Variants in ADAM22 observed in about 807,000 individuals in gnomAD.
ADAM22 encodes the protein disintegrin and metalloproteinase domain-containing protein 22.
In ADAM22, 65 loss-of-function variants were observed where a neutral mutation model predicts 144.6. The observed-to-expected ratio is 0.45, with a 90% CI of 0.37 to 0.55. The LOEUF (loss-of-function observed/expected upper bound fraction) is 0.55, where lower values mean the gene tolerates loss of function less well. Ranked by LOEUF, ADAM22 falls within the 20% of genes least tolerant of loss-of-function variation. The probability of loss-of-function intolerance (pLI) is 0.00; values close to 1 mark genes in which losing one functional copy is unlikely to be tolerated. For synonymous variants in ADAM22, 391 were observed against 412.6 expected, an observed-to-expected ratio of 0.95 and a Z score of 0.63; for missense variants, 974 against 1,184.9, an observed-to-expected ratio of 0.82 and a Z score of 2.61.
At chr7:87,956,328 A>T (rs1846735076) in intron 2 of ADAM22, among the ~76,000 whole-genome samples, 1 of 152,338 alleles carries the variant, frequency 6.6e-6, no homozygotes, top group South Asian at 2.1e-4. Flanking sequence ...TGTGGTGGAG[A>T]GGAGACCCTA....
At chr7:88,041,369 G>T (rs1803087019) in intron 3 of ADAM22, among the ~76,000 whole-genome samples, 1 of 151,812 alleles carries the variant, frequency 6.6e-6, no homozygotes, top group Admixed American at 6.6e-5. Context: ...TAACATAGAT[G>T]GTGCCAATGG....
In ADAM22 at chr7:88,171,246, C is replaced by T. The variant is rs146830255; in HGVS notation, c.2283-298C>T. ...AGACCTGTGTTTGAAATAAGATTTA[C>T]TTTAGAGCAGTGATTGATGTTGAGA... On this transcript the variant is annotated intron_variant, in intron 25 of 31. Transcript: ENST00000413139. 4.6e-3 allele frequency among the ~76,000 whole-genome samples: 695 copies of T among 151,960 alleles called. 5 individuals carry two copies. Among genetic ancestry groups the T allele is most frequent in the Non-Finnish European group, 7.8e-3 (531 of 67,782 alleles).
Position 88,044,515 on chromosome 7 carries a change from C to T in ADAM22, c.324-31111C>T, listed in dbSNP as rs191026653. ...AGGCTGGAGTGCAGTGGCGCGGTCT[C>T]GGCTCACTGCAACCTCCCCTTCCCG... is the stretch of plus-strand genomic sequence containing the variant. On this transcript the variant is annotated intron_variant, in intron 3 of 31. Transcript: ENST00000413139. Among the ~76,000 whole-genome samples, 960 of 152,164 alleles carry T rather than the reference C, an allele frequency of 6.3e-3. 7 individuals carry two copies. The highest frequency in any genetic ancestry group is 0.012 in the Admixed American group (187 of 15,292).
chr7:87,940,334 A>G (rs1301505311), intron 2 of ADAM22, among the ~76,000 whole-genome samples: 1 of 152,188 alleles, frequency 6.6e-6, no homozygotes, highest in East Asian at 1.9e-4. Context: ...TAAAAGGTTA[A>G]AAAGAGTATG....
chr7:88,143,807 A>G (rs1835510388), intron 15 of ADAM22, among the ~76,000 whole-genome samples: 1 of 152,214 alleles, frequency 6.6e-6, no homozygotes, highest in African/African-American at 2.4e-5. Context: ...CATTTAATTT[A>G]CCTGGTTTAA....
At chr7:88,054,221 A>G (rs1207929478) in intron 3 of ADAM22, among the ~76,000 whole-genome samples, 1 of 152,200 alleles carries the variant, frequency 6.6e-6, no homozygotes, top group Non-Finnish European at 1.5e-5. Flanking sequence ...TCTATAGGAT[A>G]AATTCCAGAA....
chr7:87,985,095 C>T (rs910483671), intron 3 of ADAM22, among the ~76,000 whole-genome samples: 24 of 150,978 alleles, frequency 1.6e-4, no homozygotes, highest in Middle Eastern at 6.9e-3. Context: ...GGGCGGATCA[C>T]AAGGTCAGGA....
chr7:88,113,717 T>TATATATATATATATATAA (rs1426077561), intron 5 of ADAM22, among the ~76,000 whole-genome samples: 1 of 112,592 alleles, frequency 8.9e-6, no homozygotes, highest in Admixed American at 8.9e-5. Flanking sequence ...TATATATATA[T>TATATATATATATATATAA]ATATATATAT....
intron 3 of ADAM22, among the ~76,000 whole-genome samples, chr7:88,003,338 G>A (rs1194247954): frequency 6.6e-6 from 1 of 152,210 alleles, no homozygotes; most frequent in African/African-American, 2.4e-5. Flanking sequence ...CTCAGGCTTA[G>A]AGGAGTTAAA....
rs373459073 is a variant in ADAM22 at position 88,200,152 on chromosome 7, A to G, written c.*3661A>G. 1.3e-5 allele frequency: 2 copies of G among 152,106 alleles called. No homozygotes were observed. The highest frequency in any genetic ancestry group is 3.9e-4 in the East Asian group (2 of 5,174). 9.4% of individuals were successfully genotyped at this position (152,106 alleles called of 1,614,324 possible). A position where few individuals can be genotyped will look rare whatever the true frequency, so the allele number is the denominator to read the frequency against. On this transcript the variant is annotated 3_prime_UTR_variant, in exon 32 of 32. Coordinates refer to ENST00000413139, the MANE Select transcript of ADAM22 (RefSeq NM_001324418.2). ...GGACCAGAAGATATATGGTATTTTTATTCACTTTTTTCAGTGTTTTAAAAT... is the reference window on the plus strand; with the variant it reads ...GGACCAGAAGATATATGGTATTTTTGTTCACTTTTTTCAGTGTTTTAAAAT...
chr7:88,060,588 G>A (rs976245375), intron 3 of ADAM22, among the ~76,000 whole-genome samples: 9 of 151,230 alleles, frequency 6.0e-5, no homozygotes, highest in African/African-American at 1.9e-4. Flanking sequence ...GGCTAATGGT[G>A]AAACCCGTCT....
chr7:88,040,790 G>A (rs1046087728), intron 3 of ADAM22, among the ~76,000 whole-genome samples: 16 of 151,892 alleles, frequency 1.1e-4, no homozygotes, highest in African/African-American at 2.9e-4. Flanking sequence ...CTCTGCTCAG[G>A]GTGAAATAAA....
chr7:88,031,361 C>A (rs1800224918), intron 3 of ADAM22, among the ~76,000 whole-genome samples: 1 of 152,136 alleles, frequency 6.6e-6, no homozygotes, highest in South Asian at 2.1e-4. Context: ...TTCCTAGAGA[C>A]TTGTTAAATT....
intron 22 of ADAM22, among the ~76,000 whole-genome samples, chr7:88,160,880 C>T (rs1203153730): frequency 1.3e-5 from 2 of 152,020 alleles, no homozygotes; most frequent in East Asian, 3.9e-4. Flanking sequence ...AACCAAACAC[C>T]GTGTGTTCTC....
chr7:87,961,379 T>A (rs951222750), intron 2 of ADAM22, among the ~76,000 whole-genome samples: 3 of 152,214 alleles, frequency 2.0e-5, no homozygotes, highest in African/African-American at 7.2e-5. Context: ...TCTTGTGGTA[T>A]TTTTGGTTTC....
chr7:88,186,522 G>T, intron 29 of ADAM22, 93 bp from the exon 30 acceptor site: 1 of 835,722 alleles, frequency 1.2e-6, no homozygotes. Flanking sequence ...CTTGCATTTG[G>T]AGGGTGAAGA....
intron 3 of ADAM22, among the ~76,000 whole-genome samples, chr7:88,043,922 A>C (rs577101924): frequency 1.9e-4 from 29 of 152,326 alleles, no homozygotes; most frequent in African/African-American, 3.8e-4. Flanking sequence ...AAGAGATCCT[A>C]GGGAAAATAA....
chr7:88,048,584 T>G (rs1473322754), intron 3 of ADAM22, among the ~76,000 whole-genome samples: 5 of 152,258 alleles, frequency 3.3e-5, no homozygotes, highest in Admixed American at 3.3e-4. Context: ...TGTTTTGAAA[T>G]GTATATTGGC....
At chr7:88,123,763 C>T (rs911100441) in intron 7 of ADAM22, among the ~76,000 whole-genome samples, 1 of 151,786 alleles carries the variant, frequency 6.6e-6, no homozygotes, top group African/African-American at 2.4e-5. Context: ...CCTTCAAGCA[C>T]TAAATGCCTT....
Sources: gnomAD v4.1 joint callset for allele counts (sites outside exome capture counted in the v4.1 genomes callset) on GRCh38, gnomAD v4.1.1 for gene constraint, MANE v1.5 for transcripts, NCBI Gene and HGNC (gene_info 2026-07-23, HGNC 2026-07-21) for gene names.